The following GPATCH11 variants were observed in gnomAD, a reference collection of about 807,000 sequenced individuals.
GPATCH11 encodes G patch domain-containing protein 11.
GPATCH11 carries 32 observed loss-of-function variants against 44.8 expected under a neutral mutation model. That is an observed-to-expected ratio of 0.71 (90% CI 0.54 to 0.96). The LOEUF (loss-of-function observed/expected upper bound fraction) is 0.96. GPATCH11 is among the 40% of genes least tolerant of loss of function. The probability of loss-of-function intolerance (pLI) is 0.00; values close to 1 mark genes in which losing one functional copy is unlikely to be tolerated. For synonymous variants in GPATCH11, 84 were observed against 94.4 expected (o/e 0.89, Z 0.64); for missense variants, 324 against 303.1 (o/e 1.07, Z -0.51).
At chr2:37,093,871 G>A (rs1445384312) in intron 6 of GPATCH11, among the ~76,000 whole-genome samples, 2 of 152,150 alleles carry the variant, frequency 1.3e-5, no homozygotes, top group African/African-American at 4.8e-5. Context: ...TGGTCAGGAT[G>A]ATCTTGATCT....
chr2:37,085,393 G>A (rs1228060448), intron 1 of GPATCH11, among the ~76,000 whole-genome samples: 1 of 152,174 alleles, frequency 6.6e-6, no homozygotes, highest in East Asian at 1.9e-4. Context: ...GATATACTGG[G>A]TAAGTGTTAA....
In GPATCH11 at chr2:37,089,858, G is replaced by C. The variant is rs1673233306; in HGVS notation, c.278G>C (p.Gly93Ala). The C allele has an allele frequency of 2.6e-6, 4 of 1,549,838 alleles. No homozygotes were observed. The South Asian group carries it at 3.6e-5, about 14-fold the overall frequency. ...GGCTATAAAAGTGGTCAGGCACTTG[G>C]CAAGAGTGGTAAGTCACATGTGGAA... ...KMGYKSGQALGKSGGGIVEPI... is the reference protein window; with the variant it reads ...KMGYKSGQALAKSGGGIVEPI... The change falls in exon 3 of 9, where the codon GGC (glycine) becomes GCC (alanine). Residue 93 changes from glycine (G) to alanine (A), a missense_variant. By Grantham distance (60) the Gly-to-Ala change is moderately conservative. Coordinates refer to ENST00000674370, the MANE Select transcript of GPATCH11 (RefSeq NM_174931.4).
At chr2:37,090,407 C>T (rs1467304843) in intron 3 of GPATCH11, among the ~76,000 whole-genome samples, 3 of 152,214 alleles carry the variant, frequency 2.0e-5, no homozygotes, top group East Asian at 1.9e-4. Context: ...AAGGCTGTCA[C>T]CGTCTTGCAC....
chr2:37,084,550 G>C lies in GPATCH11; in HGVS notation c.-34G>C. 1 of 1,232,550 alleles carries C rather than the reference G, an allele frequency of 8.1e-7. No homozygotes were observed. Among genetic ancestry groups the C allele is most frequent in the Non-Finnish European group, 1.0e-6 (1 of 988,218 alleles). The allele number at this position is 1,232,550 out of a possible 1,614,324, so 76.4% of individuals were successfully genotyped here. On this transcript the variant is annotated 5_prime_UTR_variant, in exon 1 of 9. Transcript: ENST00000674370. Reference sequence around the variant, plus strand: ...GCGCGCGCTCTACGGCGCTGAACCGGGGCGAGCAGAGAGCTGTCAGGTAAG... The same window carrying C: ...GCGCGCGCTCTACGGCGCTGAACCGCGGCGAGCAGAGAGCTGTCAGGTAAG...
intron 2 of GPATCH11, among the ~76,000 whole-genome samples, chr2:37,089,290 G>A (rs986962433): frequency 1.3e-5 from 2 of 152,186 alleles, no homozygotes; most frequent in African/African-American, 4.8e-5. Context: ...AACTTGGCCA[G>A]GCGTGGAAGC....
intron 3 of GPATCH11, 148 bp downstream of exon 3, chr2:37,090,014 G>A: frequency 6.1e-6 from 4 of 655,560 alleles, no homozygotes; most frequent in Non-Finnish European, 8.0e-6. Flanking sequence ...CAAGCCTTAT[G>A]GAGAGCTTTT....
At chr2:37,090,458 A>G (rs1327898851) in intron 3 of GPATCH11, among the ~76,000 whole-genome samples, 2 of 152,198 alleles carry the variant, frequency 1.3e-5, no homozygotes, top group Non-Finnish European at 2.9e-5. Flanking sequence ...CTCCACCTTC[A>G]GGTGGCATAG....
chr2:37,093,490 C>T (rs1202040929), intron 6 of GPATCH11, among the ~76,000 whole-genome samples: 1 of 152,158 alleles, frequency 6.6e-6, no homozygotes, highest in African/African-American at 2.4e-5. Context: ...CCTGTTCTTA[C>T]ATATTACTTT....
intron 4 of GPATCH11, among the ~76,000 whole-genome samples, chr2:37,091,112 G>T (rs1673298553): frequency 1.3e-5 from 2 of 152,080 alleles, no homozygotes; most frequent in Non-Finnish European, 2.9e-5. Context: ...ATCACCTGAG[G>T]TTGGGAGTTC....
chr2:37,092,373 T>C (rs1028737983), intron 6 of GPATCH11, 118 bp downstream of exon 6: 1 of 184,172 alleles, frequency 5.4e-6, no homozygotes, highest in African/African-American at 2.5e-5. Flanking sequence ...TATATATGTA[T>C]TATATGTTTA....
intron 3 of GPATCH11, 30 bp from the exon 4 acceptor site, chr2:37,090,651 C>A: frequency 7.2e-7 from 1 of 1,385,116 alleles, no homozygotes; most frequent in Non-Finnish European, 1.0e-6. Flanking sequence ...GGAAAATTTT[C>A]TAAAATAGTT....
intron 1 of GPATCH11, among the ~76,000 whole-genome samples, chr2:37,084,858 T>TA (rs1470792327): frequency 2.0e-5 from 3 of 152,032 alleles, no homozygotes; most frequent in African/African-American, 7.2e-5. Context: ...CTACGCCCCC[T>TA]AAAAAAACAA....
chr2:37,092,806 G>T (rs1314400832), intron 6 of GPATCH11, among the ~76,000 whole-genome samples: 1 of 151,996 alleles, frequency 6.6e-6, no homozygotes, highest in Non-Finnish European at 1.5e-5. Context: ...AACAAGAATA[G>T]CCTATTTTCA....
chr2:37,088,377 G>A lies in GPATCH11; in HGVS notation c.-5G>A. The A allele has an allele frequency of 6.6e-7, 1 of 1,513,260 alleles. No homozygotes were observed. The highest frequency in any genetic ancestry group is 9.1e-7 in the Non-Finnish European group (1 of 1,104,314). 93.7% of individuals were successfully genotyped at this position (1,513,260 alleles called of 1,614,324 possible). On this transcript the variant is annotated 5_prime_UTR_variant, in exon 2 of 9. Coordinates refer to ENST00000674370, the MANE Select transcript of GPATCH11 (RefSeq NM_174931.4). ...TATTACTTTATTTGTAGATACTATA[G>A]CCATATGAAGTTGAACATGGCAGAA...
rs550169999 is a variant in GPATCH11, at chr2:37,084,551, G to C, written c.-33G>C. 8.1e-7 allele frequency: 1 copy of C among 1,231,256 alleles called. No homozygotes were observed. The highest frequency in any genetic ancestry group is 3.2e-5 in the East Asian group (1 of 31,718). 76.3% of individuals were successfully genotyped at this position (1,231,256 alleles called of 1,614,324 possible). Reference sequence around the variant, plus strand: ...CGCGCGCTCTACGGCGCTGAACCGGGGCGAGCAGAGAGCTGTCAGGTAAGA... The same window carrying C: ...CGCGCGCTCTACGGCGCTGAACCGGCGCGAGCAGAGAGCTGTCAGGTAAGA... On this transcript the variant is annotated 5_prime_UTR_variant, in exon 1 of 9. Transcript: ENST00000674370.
At chr2:37,090,743 A>G in intron 4 of GPATCH11, 21 bp downstream of exon 4, 1 of 1,202,008 alleles carries the variant, frequency 8.3e-7, no homozygotes, top group Admixed American at 2.2e-5. Context: ...ATTTTGGAGC[A>G]TATTTGCCAA....
At chr2:37,084,925 C>T (rs560895043) in intron 1 of GPATCH11, among the ~76,000 whole-genome samples, 22 of 152,286 alleles carry the variant, frequency 1.4e-4, no homozygotes, top group African/African-American at 5.1e-4. Flanking sequence ...TCCGTTCTTC[C>T]ATGTATTCAG....
intron 8 of GPATCH11, among the ~76,000 whole-genome samples, chr2:37,095,906 T>C (rs1055226913): frequency 1.3e-5 from 2 of 152,226 alleles, no homozygotes; most frequent in African/African-American, 4.8e-5. Context: ...AAATCAGATA[T>C]GTTGAAATCC....
intron 8 of GPATCH11, 75 bp downstream of exon 8, chr2:37,095,593 A>T: frequency 7.1e-7 from 1 of 1,406,062 alleles, no homozygotes; most frequent in Non-Finnish European, 9.3e-7. Context: ...TTTCCCACTG[A>T]CAATGGAAAT....
Sources: allele counts gnomAD v4.1 joint callset (sites outside exome capture counted in the v4.1 genomes callset), GRCh38; gene constraint gnomAD v4.1.1; transcripts MANE v1.5; gene names NCBI Gene and HGNC (gene_info 2026-07-23, HGNC 2026-07-21).